PCDHGB1: variants seen among roughly 807,000 people sequenced by gnomAD.
The protein encoded by PCDHGB1 is protocadherin gamma subfamily B, 1.
A neutral mutation model predicts 56.6 loss-of-function variants in PCDHGB1; 34 were observed. The ratio of observed to expected loss-of-function variants is 0.60; its 90% CI spans 0.46 to 0.80. The LOEUF (loss-of-function observed/expected upper bound fraction) is 0.80, where lower values mean the gene tolerates loss of function less well. Ranked by LOEUF, PCDHGB1 falls within the 30% of genes least tolerant of loss-of-function variation. The pLI is 0.00. For missense variants in PCDHGB1, 1,278 were observed against 1,204.6 expected (o/e 1.06, Z -0.90); for synonymous variants, 561 against 505.9 (o/e 1.11, Z -1.46).
intron 1 of PCDHGB1, chr5:141,394,825 T>G: frequency 6.2e-7 from 1 of 1,613,802 alleles, no homozygotes; most frequent in Non-Finnish European, 8.5e-7. Flanking sequence ...ATCCCCGAAG[T>G]CCTGACCGAG....
At chr5:141,438,763 G>C (rs537316602) in intron 1 of PCDHGB1, among the ~76,000 whole-genome samples, 1 of 149,962 alleles carries the variant, frequency 6.7e-6, no homozygotes, top group South Asian at 2.1e-4. Context: ...CTGGGTTCAA[G>C]CGATTCTCCT....
At chr5:141,430,846 C>CCA in intron 1 of PCDHGB1, 1 of 1,576,346 alleles carries the variant, frequency 6.3e-7, no homozygotes, top group Non-Finnish European at 8.6e-7. Context: ...CCGGATGCAC[C>CCA]CAGATACGCT....
chr5:141,376,606 A>C (rs1349467952), intron 1 of PCDHGB1: 1 of 1,502,986 alleles, frequency 6.7e-7, no homozygotes, highest in African/African-American at 1.4e-5. Context: ...TATAGAAGCG[A>C]ACCTCTTTTG....
intron 1 of PCDHGB1, chr5:141,415,215 C>A: frequency 6.2e-7 from 1 of 1,614,106 alleles, no homozygotes; most frequent in South Asian, 1.1e-5. Flanking sequence ...CGGACCTCGG[C>A]AGCTTCGAGT....
At chr5:141,388,569 C>T (rs368780854) in intron 1 of PCDHGB1, 7 of 1,613,862 alleles carry the variant, frequency 4.3e-6, no homozygotes, top group African/African-American at 1.3e-5. Context: ...TGCACAGATA[C>T]ACGTTCTAGT....
chr5:141,375,308 G>A (rs761294258), intron 1 of PCDHGB1: 1 of 1,613,722 alleles, frequency 6.2e-7, no homozygotes, highest in African/African-American at 1.3e-5. Flanking sequence ...GACAAATGCA[G>A]CTCTAGACCG....
chr5:141,367,108 A>AC, intron 1 of PCDHGB1: 1 of 233,042 alleles, frequency 4.3e-6, no homozygotes, highest in Non-Finnish European at 8.4e-6. Context: ...GTCTGCCTAG[A>AC]CACCATTAGT....
chr5:141,389,229 G>A, intron 1 of PCDHGB1: 1 of 1,614,048 alleles, frequency 6.2e-7, no homozygotes, highest in South Asian at 1.1e-5. Context: ...CAACGCTCCG[G>A]TTTTCTCACA....
chr5:141,506,935 G>A (rs1375246477), intron 3 of PCDHGB1, among the ~76,000 whole-genome samples: 3 of 152,116 alleles, frequency 2.0e-5, no homozygotes, highest in African/African-American at 7.2e-5. Context: ...AACTTTAGGG[G>A]CCTCCTGTCA....
chr5:141,383,492 G>C (rs1012277194), intron 1 of PCDHGB1: 3 of 1,613,178 alleles, frequency 1.9e-6, no homozygotes, highest in Non-Finnish European at 2.5e-6. Flanking sequence ...GTGCTGGAGC[G>C]GGTGCTGGAC....
chr5:141,422,775 T>G (rs1179216247), intron 1 of PCDHGB1: 1 of 1,614,046 alleles, frequency 6.2e-7, no homozygotes, highest in Non-Finnish European at 8.5e-7. Context: ...GTGTTCTCTA[T>G]GCCCTACAAT....
At chr5:141,427,529 G>A (rs1464520351) in intron 1 of PCDHGB1, 1 of 619,898 alleles carries the variant, frequency 1.6e-6, no homozygotes, top group African/African-American at 1.8e-5. Context: ...GGATCCCGGA[G>A]TACAACGTCA....
At position 141,432,595 on chromosome 5, in the gene PCDHGB1, C is replaced by G; in HGVS notation, c.2410-62212C>G. 6.2e-7 allele frequency: 1 copy of G among 1,613,756 alleles called. No individual in the cohort carries two copies. Among genetic ancestry groups the G allele is most frequent in the Admixed American group, 1.7e-5 (1 of 60,018 alleles). ...TGTCCTACCGTCTGCTCAAGGCCAG[C>G]GAGCCGGGACTCTTCTCGGTGGGTC... On this transcript the variant is annotated intron_variant, in intron 1 of 3. Transcript: ENST00000523390. This position sits in a 1 kb window ranked among gnomAD's most constrained non-coding sequence, Gnocchi z 6.0.
At chr5:141,494,638 A>G (rs2099755799) in intron 1 of PCDHGB1, 169 bp from the exon 2 acceptor site, 1 of 896,388 alleles carries the variant, frequency 1.1e-6, no homozygotes, top group African/African-American at 1.8e-5. Context: ...GACCTCTGAG[A>G]CCTGAGGTGT....
chr5:141,414,854 A>C (rs1191943867), intron 1 of PCDHGB1: 3 of 1,614,230 alleles, frequency 1.9e-6, no homozygotes, highest in Non-Finnish European at 2.5e-6. Context: ...CTGGACCAGA[A>C]CGACAATGCG....
intron 1 of PCDHGB1, chr5:141,388,386 C>G: frequency 6.2e-7 from 1 of 1,613,944 alleles, no homozygotes; most frequent in Non-Finnish European, 8.5e-7. Flanking sequence ...CAACACACTG[C>G]AGAATTACCA....
At position 141,491,290 on chromosome 5, in the gene PCDHGB1, C is replaced by T. The variant is rs747758229; in HGVS notation, c.2410-3517C>T. Reference sequence around the variant, plus strand: ...CAAATCCAGTGACTTCCTCATACACCCTCCTGAGCGTTCAGACCTTACCCT... The same window carrying T: ...CAAATCCAGTGACTTCCTCATACACTCTCCTGAGCGTTCAGACCTTACCCT... On this transcript the variant is annotated intron_variant, in intron 1 of 3. Coordinates refer to ENST00000523390, the MANE Select transcript of PCDHGB1 (RefSeq NM_018922.3). The surrounding 1 kb of genome is among the most constrained non-coding windows in gnomAD (Gnocchi z 6.9). 6.2e-7 allele frequency: 1 copy of T among 1,613,974 alleles called. No homozygotes were observed. Among genetic ancestry groups the T allele is most frequent in the Non-Finnish European group, 8.5e-7 (1 of 1,179,952 alleles).
chr5:141,410,201 A>G, intron 1 of PCDHGB1: 3 of 1,613,988 alleles, frequency 1.9e-6, no homozygotes, highest in Non-Finnish European at 2.5e-6. Context: ...CTTCGCAGAC[A>G]ACTTGCAAGA....
chr5:141,389,504 C>A (rs564944158), intron 1 of PCDHGB1: 1 of 1,613,088 alleles, frequency 6.2e-7, no homozygotes, highest in African/African-American at 1.3e-5. Flanking sequence ...CGCCAGCGCT[C>A]AGCGCGAACG....
Sources: allele counts gnomAD v4.1 joint callset (sites outside exome capture counted in the v4.1 genomes callset), GRCh38; gene constraint gnomAD v4.1.1; non-coding constraint Gnocchi (gnomAD v3.1); transcripts MANE v1.5; gene names NCBI Gene and HGNC (gene_info 2026-07-23, HGNC 2026-07-21).